MRPL45: variants seen among roughly 807,000 people sequenced by gnomAD.
The protein encoded by MRPL45 is large ribosomal subunit protein mL45.
MRPL45 carries 20 observed loss-of-function variants against 38.1 expected under a neutral mutation model. That is an observed-to-expected ratio of 0.53 (90% CI 0.37 to 0.76). The LOEUF is 0.76. Ranked by LOEUF, MRPL45 falls within the 30% of genes least tolerant of loss-of-function variation. MRPL45 has a pLI of 0.00. For missense variants in MRPL45, 337 were observed against 395.6 expected, an observed-to-expected ratio of 0.85 and a Z score of 1.26; for synonymous variants, 105 against 128.8, an observed-to-expected ratio of 0.82 and a Z score of 1.25.
chr17:38,314,923 T>C (rs1395617469), intron 4 of MRPL45, among the ~76,000 whole-genome samples: 2 of 152,210 alleles, frequency 1.3e-5, no homozygotes, highest in East Asian at 1.9e-4. Flanking sequence ...TTCAATAATA[T>C]ACAAACGCTC....
At chr17:38,307,655 T>G (rs936389975) in intron 4 of MRPL45, among the ~76,000 whole-genome samples, 6 of 152,114 alleles carry the variant, frequency 3.9e-5, no homozygotes, top group Admixed American at 1.3e-4. Flanking sequence ...ACCCAGCTTT[T>G]TCTTGATTCA....
intron 4 of MRPL45, among the ~76,000 whole-genome samples, chr17:38,317,808 C>A (rs1464654238): frequency 1.3e-5 from 2 of 151,868 alleles, no homozygotes; most frequent in Non-Finnish European, 2.9e-5. Context: ...CTCCTGACCT[C>A]ATGATCCACC....
intron 4 of MRPL45, among the ~76,000 whole-genome samples, chr17:38,315,166 A>G (rs2037161489): frequency 6.6e-6 from 1 of 152,170 alleles, no homozygotes; most frequent in African/African-American, 2.4e-5. Context: ...TAAAACATAC[A>G]TGTTTTTTGT....
intron 2 of MRPL45, among the ~76,000 whole-genome samples, chr17:38,299,098 C>T (rs900839215): frequency 6.6e-6 from 1 of 151,668 alleles, no homozygotes; most frequent in Non-Finnish European, 1.5e-5. Flanking sequence ...CCATCTTGGC[C>T]AGGCTGGTCT....
At chr17:38,303,693 C>T (rs146043652) in intron 3 of MRPL45, among the ~76,000 whole-genome samples, 74 of 151,734 alleles carry the variant, frequency 4.9e-4, no homozygotes, top group Non-Finnish European at 8.7e-4. Flanking sequence ...GCCAACTGTA[C>T]GTCTTAGGAT....
intron 5 of MRPL45, among the ~76,000 whole-genome samples, chr17:38,319,553 A>G (rs1201595412): frequency 6.6e-6 from 1 of 152,160 alleles, no homozygotes; most frequent in Non-Finnish European, 1.5e-5. Flanking sequence ...TAGCTGAATG[A>G]CAATGTCTTG....
chr17:38,322,866 A>C lies in MRPL45; in HGVS notation c.*271A>C. On this transcript the variant is annotated 3_prime_UTR_variant, in exon 8 of 8. Coordinates refer to ENST00000613675, the MANE Select transcript of MRPL45 (RefSeq NM_032351.6). The stretch of plus-strand genomic sequence containing the variant: ...GACAGTATGTTTCAGAGAACATTGG[A>C]TATCAGTTTTTCCCACAGCAGGGAC... 1 of 410,852 alleles carries C rather than the reference A, an allele frequency of 2.4e-6. No individual in the cohort carries two copies. Among genetic ancestry groups the C allele is most frequent in the South Asian group, 4.1e-5 (1 of 24,620 alleles). The allele number at this position is 410,852 out of a possible 1,614,324, so 25.5% of individuals were successfully genotyped here.
intron 1 of MRPL45, among the ~76,000 whole-genome samples, chr17:38,297,620 G>T (rs944063120): frequency 1.3e-5 from 2 of 152,236 alleles, no homozygotes; most frequent in South Asian, 2.1e-4. Context: ...TATTGTCACT[G>T]CCCCGTCTGA....
intron 5 of MRPL45, 82 bp downstream of exon 5, chr17:38,318,817 CTTTTCTTTTCTTT>C: frequency 1.2e-6 from 1 of 856,966 alleles, no homozygotes; most frequent in South Asian, 1.5e-5. Flanking sequence ...CTTTTCTTTT[CTTTTCTTTTCTTT>C]TTTTTTTTTT....
rs183501330 is a variant in MRPL45, at chr17:38,311,931, A to G, written c.461+5300A>G. 2.1e-3 allele frequency among the ~76,000 whole-genome samples: 327 copies of G among 152,224 alleles called. 2 individuals carry two copies. The highest frequency in any genetic ancestry group is 2.5e-3 in the Non-Finnish European group (169 of 68,012). On this transcript the variant is annotated intron_variant, in intron 4 of 7. Transcript: ENST00000613675. ...ATGAAGGCATCTAGGTACCTCACAT[A>G]AGTGGAATCTTACAGTTTTTGACCT...
intron 3 of MRPL45, among the ~76,000 whole-genome samples, chr17:38,304,877 C>T (rs1430907949): frequency 4.1e-5 from 6 of 146,396 alleles, no homozygotes; most frequent in African/African-American, 1.5e-4. Context: ...GACGAAGTCT[C>T]GCTCTGTCAC....
intron 1 of MRPL45, among the ~76,000 whole-genome samples, chr17:38,297,775 CTACAAGAGGACTTTGCT>C (rs2036951583): frequency 3.3e-5 from 5 of 152,210 alleles, no homozygotes; most frequent in Admixed American, 3.3e-4. Flanking sequence ...GAGCAGATGC[CTACAAGAGGACTTTGCT>C]TATGCTTTAA....
At chr17:38,300,501 T>C (rs1485721104) in intron 3 of MRPL45, among the ~76,000 whole-genome samples, 1 of 152,058 alleles carries the variant, frequency 6.6e-6, no homozygotes, top group Non-Finnish European at 1.5e-5. Context: ...TTTTTTAAAT[T>C]TGTACTGTTC....
At chr17:38,308,616 T>A (rs1021002348) in intron 4 of MRPL45, among the ~76,000 whole-genome samples, 12 of 152,032 alleles carry the variant, frequency 7.9e-5, no homozygotes, top group Admixed American at 6.6e-4. Flanking sequence ...ATTTTCTGTA[T>A]TTTTAATAGA....
intron 6 of MRPL45, 63 bp from the exon 7 acceptor site, chr17:38,322,063 A>G: frequency 6.5e-7 from 1 of 1,538,230 alleles, no homozygotes; most frequent in Non-Finnish European, 8.8e-7. Flanking sequence ...TGGCAATAAA[A>G]CAAACAACTC....
At chr17:38,320,550 G>A (rs899384854) in intron 5 of MRPL45, 68 bp from the exon 6 acceptor site, 2 of 1,541,616 alleles carry the variant, frequency 1.3e-6, no homozygotes, top group East Asian at 2.3e-5. Flanking sequence ...AGTGAGAGCA[G>A]TGTGGCAGCA....
chr17:38,309,109 A>G (rs1482282319), intron 4 of MRPL45, among the ~76,000 whole-genome samples: 2 of 145,132 alleles, frequency 1.4e-5, no homozygotes, highest in Admixed American at 6.9e-5. Flanking sequence ...GTTTCACCAT[A>G]TTGGCCAGGC....
intron 3 of MRPL45, among the ~76,000 whole-genome samples, chr17:38,304,231 G>A (rs1019615086): frequency 1.4e-4 from 21 of 152,286 alleles, no homozygotes; most frequent in African/African-American, 4.8e-4. Flanking sequence ...AACACTTTGG[G>A]AGGCTGAGGC....
chr17:38,297,237 G>A lies in MRPL45; in HGVS notation c.54G>A (p.Trp18Ter), dbSNP rs753373604. The change falls in exon 1 of 8, where the codon TGG (tryptophan) becomes TGA (stop). Residue 18 changes from tryptophan (W) to a stop codon, truncating the protein, a stop_gained. Transcript: ENST00000613675. LOFTEE classifies it high-confidence loss of function. ...CTTGTTTATCGAGGTTTTTGGGCTGGTGGTCTCGGCAGGTGGGTAGGGACG... is the reference window on the plus strand; with the variant it reads ...CTTGTTTATCGAGGTTTTTGGGCTGATGGTCTCGGCAGGTGGGTAGGGACG... ...GFSCLSRFLG[W>*]WSRQPVLVTQ... 24 of 1,614,114 alleles carry A rather than the reference G, an allele frequency of 1.5e-5. No individual in the cohort carries two copies. The highest frequency in any genetic ancestry group is 1.9e-5 in the Non-Finnish European group (23 of 1,180,048).
Sources: allele counts gnomAD v4.1 joint callset (sites outside exome capture counted in the v4.1 genomes callset), GRCh38; gene constraint gnomAD v4.1.1; transcripts MANE v1.5; gene names NCBI Gene and HGNC (gene_info 2026-07-23, HGNC 2026-07-21).